DSCAM: variants seen among roughly 807,000 people sequenced by gnomAD.
The protein encoded by DSCAM is DS cell adhesion molecule, also known as cell adhesion molecule DSCAM.
In DSCAM, 47 loss-of-function variants were observed where a neutral mutation model predicts 217.7. The observed-to-expected ratio is 0.22, with a 90% CI of 0.17 to 0.28. The LOEUF is 0.28. Ranked by LOEUF, DSCAM falls within the 10% of genes least tolerant of loss-of-function variation. The pLI is 1.00. For synonymous variants in DSCAM, 1,056 were observed against 1,015.3 expected, an observed-to-expected ratio of 1.04 and a Z score of -0.76; for missense variants, 2,080 against 2,618.3, an observed-to-expected ratio of 0.79 and a Z score of 4.49.
chr21:40,769,462 C>T (rs890553022), intron 1 of DSCAM, among the ~76,000 whole-genome samples: 1 of 152,170 alleles, frequency 6.6e-6, no homozygotes, highest in African/African-American at 2.4e-5. Flanking sequence ...GGCCTGCATG[C>T]TGTGGTGGAC....
intron 11 of DSCAM, among the ~76,000 whole-genome samples, chr21:40,230,783 A>C (rs2091374158): frequency 1.3e-5 from 2 of 152,062 alleles, no homozygotes; most frequent in Admixed American, 6.5e-5. Flanking sequence ...ATTGGCTGGC[A>C]GTTTGATTTT....
chr21:40,343,871 T>A (rs1601569249), intron 6 of DSCAM, among the ~76,000 whole-genome samples: 2 of 150,454 alleles, frequency 1.3e-5, no homozygotes, highest in Non-Finnish European at 3.0e-5. Context: ...ATTTTATTTT[T>A]TATTTTATTA....
chr21:40,164,728 G>C (rs1242679769), intron 16 of DSCAM, among the ~76,000 whole-genome samples: 1 of 152,098 alleles, frequency 6.6e-6, no homozygotes, highest in Non-Finnish European at 1.5e-5. Context: ...CTTGAACTCG[G>C]GAGACACAGG....
intron 14 of DSCAM, among the ~76,000 whole-genome samples, chr21:40,186,215 C>T (rs995605408): frequency 4.6e-5 from 7 of 152,296 alleles, no homozygotes; most frequent in Admixed American, 1.3e-4. Context: ...TTTCCTCACT[C>T]CTGACCTGTG....
chr21:40,259,318 C>A (rs1260201418), intron 11 of DSCAM, among the ~76,000 whole-genome samples: 1 of 151,896 alleles, frequency 6.6e-6, no homozygotes, highest in African/African-American at 2.4e-5. Context: ...AGGAAACACA[C>A]CAAGCTTCCT....
intron 3 of DSCAM, among the ~76,000 whole-genome samples, chr21:40,625,262 C>A (rs1187816389): frequency 6.6e-6 from 1 of 151,888 alleles, no homozygotes; most frequent in Non-Finnish European, 1.5e-5. Context: ...TAACTGTCCA[C>A]ATTTTCCAAA....
At chr21:40,829,449 G>A (rs529133029) in intron 1 of DSCAM, among the ~76,000 whole-genome samples, 21 of 152,306 alleles carry the variant, frequency 1.4e-4, no homozygotes, top group Admixed American at 1.3e-4. Context: ...AGAGCACAGT[G>A]TGTGCAGCGA....
intron 1 of DSCAM, among the ~76,000 whole-genome samples, chr21:40,731,959 T>G (rs2091017563): frequency 6.6e-6 from 1 of 152,122 alleles, no homozygotes; most frequent in African/African-American, 2.4e-5. Context: ...ACTCCTGACC[T>G]CATGATCCAC....
At chr21:40,616,045 C>T (rs1289578224) in intron 3 of DSCAM, among the ~76,000 whole-genome samples, 3 of 151,564 alleles carry the variant, frequency 2.0e-5, no homozygotes, top group Non-Finnish European at 2.9e-5. Flanking sequence ...CAAGAGGCCT[C>T]GGTTATTATT....
intron 32 of DSCAM, among the ~76,000 whole-genome samples, chr21:40,021,185 G>A (rs1241199765): frequency 6.2e-5 from 8 of 129,490 alleles, no homozygotes; most frequent in South Asian, 5.1e-4. Context: ...TAACCTGGGC[G>A]ATAGAGCGAG....
chr21:40,647,540 G>T (rs778588926), intron 3 of DSCAM, among the ~76,000 whole-genome samples: 1 of 152,104 alleles, frequency 6.6e-6, no homozygotes, highest in Non-Finnish European at 1.5e-5. Flanking sequence ...ATAAATCATA[G>T]TCCAAAGTCA....
chr21:40,554,196 G>T (rs1157509888), intron 3 of DSCAM, among the ~76,000 whole-genome samples: 11 of 132,594 alleles, frequency 8.3e-5, no homozygotes, highest in Non-Finnish European at 1.3e-4. Flanking sequence ...TTGATTGTTA[G>T]TTTTTTTTTT....
intron 1 of DSCAM, among the ~76,000 whole-genome samples, chr21:40,777,869 C>T (rs1055088055): frequency 2.6e-5 from 4 of 151,968 alleles, no homozygotes; most frequent in African/African-American, 9.7e-5. Flanking sequence ...ACATCAAAAA[C>T]AAAGAGGAGA....
intron 1 of DSCAM, among the ~76,000 whole-genome samples, chr21:40,751,636 C>G (rs1457279766): frequency 1.3e-5 from 2 of 152,076 alleles, no homozygotes; most frequent in East Asian, 3.9e-4. Flanking sequence ...TGTGGTACAA[C>G]TACAAAGAAC....
At chr21:40,058,574 T>C (rs1360435023) in intron 28 of DSCAM, among the ~76,000 whole-genome samples, 2 of 152,206 alleles carry the variant, frequency 1.3e-5, no homozygotes, top group African/African-American at 2.4e-5. Flanking sequence ...TTGATTTATT[T>C]TGAGGGCACA....
intron 3 of DSCAM, among the ~76,000 whole-genome samples, chr21:40,498,093 G>A (rs993118699): frequency 2.6e-5 from 4 of 152,040 alleles, no homozygotes; most frequent in African/African-American, 7.2e-5. Context: ...TCTGTGTCTC[G>A]GTTTTCCTCA....
At chr21:40,584,717 C>T (rs1034616946) in intron 3 of DSCAM, among the ~76,000 whole-genome samples, 4 of 152,108 alleles carry the variant, frequency 2.6e-5, no homozygotes, top group South Asian at 2.1e-4. Flanking sequence ...GGGGTTCTCT[C>T]GGTCCAGGAA....
chr21:40,505,818 C>T (rs1389430407), intron 3 of DSCAM, among the ~76,000 whole-genome samples: 1 of 152,216 alleles, frequency 6.6e-6, no homozygotes, highest in East Asian at 1.9e-4. Flanking sequence ...AATCCCACTA[C>T]ACTCCCCATA....
At chr21:40,360,179 T>TAGAGTGC (rs1400589135) in intron 4 of DSCAM, among the ~76,000 whole-genome samples, 9 of 133,862 alleles carry the variant, frequency 6.7e-5, no homozygotes, top group African/African-American at 1.9e-4. Context: ...TTGCCCACGC[T>TAGAGTGC]AGAGTGCAGT....
Sources: allele counts gnomAD v4.1 joint callset (sites outside exome capture counted in the v4.1 genomes callset), GRCh38; gene constraint gnomAD v4.1.1; transcripts MANE v1.5; gene names NCBI Gene and HGNC (gene_info 2026-07-23, HGNC 2026-07-21).